Variants in USP38 observed in about 807,000 individuals in gnomAD.
The protein encoded by USP38 is ubiquitin carboxyl-terminal hydrolase 38.
USP38 carries 49 observed loss-of-function variants against 94.3 expected under a neutral mutation model. The ratio of observed to expected loss-of-function variants is 0.52; its 90% CI spans 0.41 to 0.66. The LOEUF (loss-of-function observed/expected upper bound fraction) is 0.66, where lower values mean the gene tolerates loss of function less well. Ranked by LOEUF, USP38 falls within the 30% of genes least tolerant of loss-of-function variation. The pLI is 0.00. For missense variants in USP38, 1,128 were observed against 1,229.4 expected, an observed-to-expected ratio of 0.92 and a Z score of 1.23; for synonymous variants, 468 against 463.6, an observed-to-expected ratio of 1.01 and a Z score of -0.12.
chr4:143,213,990 C>G lies in USP38; in HGVS notation c.2014C>G (p.Leu672Val). The change falls in exon 9 of 10, where the codon CTT becomes GTT. Residue 672 changes from leucine to valine, a missense_variant. By Grantham distance (32) the Leu-to-Val change is conservative. Transcript: ENST00000307017. Reference protein sequence around the residue: ...PTTAAFICDSLVNEKTIGSPP... With the variant: ...PTTAAFICDSVVNEKTIGSPP... ...AACAGCTGCCTTCATCTGTGACTCA[C>G]TTGTGAATGAAAAAACCATAGGCAG... 1 of 1,613,586 alleles carries G rather than the reference C, an allele frequency of 6.2e-7. No individual in the cohort carries two copies. Among genetic ancestry groups the G allele is most frequent in the East Asian group, 2.2e-5 (1 of 44,864 alleles).
In USP38 at chr4:143,185,519, G is replaced by C; in HGVS notation, c.69G>C (p.Arg23=). Residue 23 remains arginine, a synonymous_variant, in exon 1 of 10, where the codon CGG becomes CGC. Transcript: ENST00000307017. ...HPLPLKRVIV[R]KVVESAEHWL... ...TGCCCCTCAAGCGGGTGATTGTGCG[G>C]AAGGTGGTGGAATCGGCGGAGCACT... 1.2e-6 allele frequency: 2 copies of C among 1,612,990 alleles called. No individual in the cohort carries two copies. The highest frequency in any genetic ancestry group is 1.7e-6 in the Non-Finnish European group (2 of 1,179,368).
In USP38 at chr4:143,223,125, A is replaced by G. The variant is rs1420575820; in HGVS notation, c.*2669A>G. ...CAAAGAAGGAAATATATATGATGTC[A>G]CACAAGCTCCAGTAAGCTATCCACT... On this transcript the variant is annotated 3_prime_UTR_variant, in exon 10 of 10. Coordinates refer to ENST00000307017, the MANE Select transcript of USP38 (RefSeq NM_032557.6). 1 of 152,166 alleles carries G rather than the reference A, an allele frequency of 6.6e-6. No individual in the cohort carries two copies. Among genetic ancestry groups the G allele is most frequent in the African/African-American group, 2.4e-5 (1 of 41,468 alleles). 9.4% of individuals were successfully genotyped at this position (152,166 alleles called of 1,614,324 possible).
Position 143,214,819 on chromosome 4 carries a change from A to G in USP38, c.2843A>G (p.Lys948Arg). ...ACAGCTTATGTGCTTTTGTATAAAA[A>G]ACAGCATAGTACTAATGGTTTAAGT... ...KDTAYVLLYKKQHSTNGLSGN... is the reference protein window; with the variant it reads ...KDTAYVLLYKRQHSTNGLSGN... The change falls in exon 9 of 10, where the codon AAA (lysine) becomes AGA (arginine). Residue 948 changes from lysine to arginine, a missense_variant. By Grantham distance (26) the Lys-to-Arg change is conservative. Transcript: ENST00000307017. 6.2e-7 allele frequency: 1 copy of G among 1,613,744 alleles called. No individual in the cohort carries two copies. The highest frequency in any genetic ancestry group is 8.5e-7 in the Non-Finnish European group (1 of 1,179,772).
At position 143,187,824 on chromosome 4, in the gene USP38, A is replaced by G. The variant is rs1013922738; in HGVS notation, c.683-2A>G. 8 of 1,606,210 alleles carry G rather than the reference A, an allele frequency of 5.0e-6. No individual in the cohort carries two copies. The highest frequency in any genetic ancestry group is 6.8e-6 in the Non-Finnish European group (8 of 1,177,380). On this transcript the variant is annotated splice_acceptor_variant, in intron 1 of 9. Transcript: ENST00000307017. LOFTEE classifies it high-confidence loss of function. The stretch of plus-strand genomic sequence containing the variant: ...CCCTTTTCTTTTTAATTGAAAAAAC[A>G]GATGCATCATTTGAACCTTCTGTAG...
chr4:143,185,320 GT>G lies in USP38; in HGVS notation c.-130del. The G allele has an allele frequency of 9.9e-7, 1 of 1,005,492 alleles. No individual in the cohort carries two copies. The highest frequency in any genetic ancestry group is 1.7e-5 in the South Asian group (1 of 59,396). 62.3% of individuals were successfully genotyped at this position (1,005,492 alleles called of 1,614,324 possible). On this transcript the variant is annotated 5_prime_UTR_variant, in exon 1 of 10. Coordinates refer to ENST00000307017, the MANE Select transcript of USP38 (RefSeq NM_032557.6). ...CATAAATGTGGCTGCTGAGGCGGCG[GT>G]GGCCGTGGCCCGTCGCGCTGCTGCT...
At position 143,220,731 on chromosome 4, in the gene USP38, G is replaced by C; in HGVS notation, c.*275G>C. On this transcript the variant is annotated 3_prime_UTR_variant, in exon 10 of 10. Transcript: ENST00000307017. ...AAATATGTACCTGGTCCCTAATTAA[G>C]CTGCGTTAAATTTGGTAGAAGCATT... The C allele has an allele frequency of 4.2e-6, 1 of 240,278 alleles. No individual in the cohort carries two copies. Among genetic ancestry groups the C allele is most frequent in the East Asian group, 8.3e-5 (1 of 12,030 alleles). 14.9% of individuals were successfully genotyped at this position (240,278 alleles called of 1,614,324 possible).
In USP38 at chr4:143,206,027, C is replaced by G. The variant is rs746979569; in HGVS notation, c.1210-6C>G. ...TTAAACTGTTTTTCTTCTTTATGACCTATAGGATTTTCCTAAGCCCAGTGA... is the reference window on the plus strand; with the variant it reads ...TTAAACTGTTTTTCTTCTTTATGACGTATAGGATTTTCCTAAGCCCAGTGA... On this transcript the variant is annotated splice_polypyrimidine_tract_variant and splice_region_variant and intron_variant, in intron 5 of 9. Transcript: ENST00000307017. The G allele has an allele frequency of 1.9e-6, 3 of 1,553,242 alleles. No homozygotes were observed. The South Asian group carries it at 3.8e-5, about 20-fold the overall frequency.
intron 2 of USP38, among the ~76,000 whole-genome samples, chr4:143,191,694 G>A (rs1375014917): frequency 6.6e-6 from 1 of 152,218 alleles, no homozygotes; most frequent in African/African-American, 2.4e-5. Flanking sequence ...CAGGCACTAA[G>A]TGCTGGGAAT....
In USP38 at chr4:143,214,552, A is replaced by G. The variant is rs1256461768; in HGVS notation, c.2576A>G (p.Tyr859Cys). The G allele has an allele frequency of 1.9e-6, 3 of 1,613,580 alleles. No individual in the cohort carries two copies. The highest frequency in any genetic ancestry group is 8.5e-7 in the Non-Finnish European group (1 of 1,179,792). ...ATATCCTCTGAAAGTGGGCATTACT[A>G]TTCTTATGCCAGGAATATCACAAGT... ...SGISSESGHY[Y>C]SYARNITSTD... is the part of the protein sequence containing the mutation. Residue 859 changes from tyrosine to cysteine, a missense_variant, in exon 9 of 10, where the codon TAT (tyrosine) becomes TGT (cysteine). Physicochemically the swap from Tyr to Cys is radical, Grantham distance 194. Coordinates refer to ENST00000307017, the MANE Select transcript of USP38 (RefSeq NM_032557.6).
At position 143,220,624 on chromosome 4, in the gene USP38, G is replaced by C. The variant is rs967604418; in HGVS notation, c.*168G>C. The C allele has an allele frequency of 3.0e-6, 2 of 664,936 alleles. No homozygotes were observed. Among genetic ancestry groups the C allele is most frequent in the Non-Finnish European group, 2.0e-6 (1 of 503,122 alleles). The allele number at this position is 664,936 out of a possible 1,614,324, so 41.2% of individuals were successfully genotyped here. ...TTCTTGACACATTTATTAACAAAAT[G>C]CATCATGGAAAAAAAAATCTACCTC... On this transcript the variant is annotated 3_prime_UTR_variant, in exon 10 of 10. Transcript: ENST00000307017.
intron 1 of USP38, 57 bp downstream of exon 1, chr4:143,186,189 C>A: frequency 6.6e-7 from 1 of 1,519,516 alleles, no homozygotes; most frequent in South Asian, 1.2e-5. Context: ...GTCTCTCTTG[C>A]ACACACACAT....
At chr4:143,191,687 G>A (rs1731400648) in intron 2 of USP38, among the ~76,000 whole-genome samples, 1 of 152,170 alleles carries the variant, frequency 6.6e-6, no homozygotes, top group African/African-American at 2.4e-5. Flanking sequence ...TCAGTGCCAG[G>A]CACTAAGTGC....
intron 4 of USP38, among the ~76,000 whole-genome samples, chr4:143,202,268 A>G (rs1054293033): frequency 6.6e-6 from 1 of 152,182 alleles, no homozygotes; most frequent in Admixed American, 6.6e-5. Flanking sequence ...TGCAAAAGCT[A>G]CAGTGTGATT....
rs777931499 is a variant in USP38 at position 143,214,757 on chromosome 4, G to A, written c.2781G>A (p.Gln927=). 1.9e-6 allele frequency: 3 copies of A among 1,613,758 alleles called. No individual in the cohort carries two copies. Among genetic ancestry groups the A allele is most frequent in the Admixed American group, 3.3e-5 (2 of 59,942 alleles). Residue 927 remains glutamine, a synonymous_variant, in exon 9 of 10, where the codon CAG becomes CAA. Coordinates refer to ENST00000307017, the MANE Select transcript of USP38 (RefSeq NM_032557.6). ...GTAGAGTGACATTTACTTCATTTCA[G>A]TCAGTCCAGAAAATTACGAGCAGGT... ...NDSRVTFTSF[Q]SVQKITSRFP...
At chr4:143,201,349 C>T (rs1731709816) in intron 4 of USP38, among the ~76,000 whole-genome samples, 1 of 152,140 alleles carries the variant, frequency 6.6e-6, no homozygotes. Flanking sequence ...GAAGCTGGAC[C>T]CCTTCCTTAC....
chr4:143,220,571 G>A lies in USP38; in HGVS notation c.*115G>A. The A allele has an allele frequency of 9.6e-7, 1 of 1,039,720 alleles. No individual in the cohort carries two copies. The highest frequency in any genetic ancestry group is 1.7e-5 in the African/African-American group (1 of 60,256). The allele number at this position is 1,039,720 out of a possible 1,614,324, so 64.4% of individuals were successfully genotyped here. On this transcript the variant is annotated 3_prime_UTR_variant, in exon 10 of 10. Transcript: ENST00000307017. ...TTTTCATTAGACCCTTATACTTCAA[G>A]AGAACACACTCAGTGCTTGTTTTTA...
intron 3 of USP38, 117 bp from the exon 4 acceptor site, chr4:143,197,706 G>T: frequency 1.5e-6 from 1 of 657,516 alleles, no homozygotes; most frequent in South Asian, 2.1e-5. Context: ...AGTTATGTTA[G>T]AACTTTCCAG....
intron 5 of USP38, among the ~76,000 whole-genome samples, chr4:143,205,444 T>C (rs1158618618): frequency 6.6e-6 from 1 of 152,192 alleles, no homozygotes. Flanking sequence ...ATAAGAAAAA[T>C]CCATATGTTG....
chr4:143,206,111 G>A lies in USP38; in HGVS notation c.1288G>A (p.Ala430Thr). The A allele has an allele frequency of 6.2e-7, 1 of 1,613,540 alleles. No individual in the cohort carries two copies. Among genetic ancestry groups the A allele is most frequent in the Non-Finnish European group, 8.5e-7 (1 of 1,179,800 alleles). Residue 430 changes from alanine to threonine, a missense_variant, in exon 6 of 10, where the codon GCG becomes ACG. Transcript: ENST00000307017. ...SAWTSQSNSL[A>T]SCLSRLSGKS... ...CTGGACTTCTCAATCCAATTCTTTG[G>A]CGTCTTGCTTGTCTAGACTTTCTGG...
Sources: gnomAD v4.1 joint callset for allele counts (sites outside exome capture counted in the v4.1 genomes callset) on GRCh38, gnomAD v4.1.1 for gene constraint, MANE v1.5 for transcripts, NCBI Gene and HGNC (gene_info 2026-07-23, HGNC 2026-07-21) for gene names.